Variants in TIMMDC1 observed in about 807,000 individuals in gnomAD.
TIMMDC1 encodes complex I assembly factor TIMMDC1, mitochondrial.
TIMMDC1 carries 25 observed loss-of-function variants against 32.6 expected under a neutral mutation model. The observed-to-expected ratio is 0.77, with a 90% CI of 0.56 to 1.07. The LOEUF (loss-of-function observed/expected upper bound fraction) is 1.07. Among genes scored for constraint, TIMMDC1 ranks in the 50% least tolerant of loss-of-function variants. The pLI is 0.00. For synonymous variants in TIMMDC1, 130 were observed against 127.6 expected, an observed-to-expected ratio of 1.02 and a Z score of -0.13; for missense variants, 329 against 349.2, an observed-to-expected ratio of 0.94 and a Z score of 0.46.
intron 5 of TIMMDC1, among the ~76,000 whole-genome samples, chr3:119,514,564 TGATTA>T (rs1360694514): frequency 5.3e-5 from 8 of 152,226 alleles, no homozygotes; most frequent in African/African-American, 1.9e-4. Flanking sequence ...CATCCCATCA[TGATTA>T]GATTAATGTA....
intron 4 of TIMMDC1, among the ~76,000 whole-genome samples, chr3:119,510,056 A>G (rs746407171): frequency 3.3e-5 from 5 of 152,196 alleles, no homozygotes; most frequent in Non-Finnish European, 5.9e-5. Context: ...TTATACCTCA[A>G]TAAAACTGTT....
rs148633823 is a variant in TIMMDC1, at chr3:119,503,536, C to A, written c.365C>A (p.Ser122Tyr). Residue 122 changes from serine (S) to tyrosine (Y), a missense_variant, in exon 3 of 7, where the codon TCT becomes TAT. Physicochemically the swap from Ser to Tyr is moderately radical, Grantham distance 144. Coordinates refer to ENST00000494664, the MANE Select transcript of TIMMDC1 (RefSeq NM_016589.4). ...CAGTTTTTTAATTAACTTTAGCAAT[C>A]TGCACATCGTGCTGCCACACGAGGC... ...IYHNRFDAVQSAHRAATRGFI... is the reference protein window; with the variant it reads ...IYHNRFDAVQYAHRAATRGFI... 6.2e-7 allele frequency: 1 copy of A among 1,605,320 alleles called. No homozygotes were observed. The highest frequency in any genetic ancestry group is 1.3e-5 in the African/African-American group (1 of 74,454).
intron 6 of TIMMDC1, among the ~76,000 whole-genome samples, chr3:119,522,187 A>C (rs979612329): frequency 2.6e-5 from 4 of 152,190 alleles, no homozygotes; most frequent in Admixed American, 6.5e-5. Context: ...GGATAAAGAA[A>C]ATGTGGTATA....
intron 4 of TIMMDC1, among the ~76,000 whole-genome samples, chr3:119,509,686 A>ATT (rs35042893): frequency 4.7e-4 from 66 of 139,408 alleles, no homozygotes; most frequent in South Asian, 1.6e-3. Context: ...ATGCAACTAA[A>ATT]TTTTTTTTTT....
intron 4 of TIMMDC1, among the ~76,000 whole-genome samples, chr3:119,511,336 G>A (rs1265325704): frequency 2.0e-5 from 3 of 151,722 alleles, no homozygotes; most frequent in Non-Finnish European, 4.4e-5. Flanking sequence ...AAAAATAGTT[G>A]TGGTGGCATG....
In TIMMDC1 at chr3:119,523,595, T is replaced by C. The variant is rs1560051303; in HGVS notation, c.708-11T>C. ...AGCAGTATTTGATTTATCCTTTTTA[T>C]CTGATTACAGGAAAGGCAGACTACA... On this transcript the variant is annotated splice_polypyrimidine_tract_variant and intron_variant, in intron 6 of 6. Transcript: ENST00000494664. The C allele has an allele frequency of 5.1e-6, 8 of 1,582,156 alleles. No homozygotes were observed. The Admixed American group carries it at 1.3e-4, about 27-fold the overall frequency.
At chr3:119,503,676 G>A in intron 3 of TIMMDC1, 56 bp downstream of exon 3, 1 of 1,403,604 alleles carries the variant, frequency 7.1e-7, no homozygotes, top group Non-Finnish European at 9.8e-7. Context: ...TTTTAGGAGT[G>A]TGTCTTTTGA....
At chr3:119,506,262 C>A (rs570237145) in intron 4 of TIMMDC1, among the ~76,000 whole-genome samples, 3 of 152,200 alleles carry the variant, frequency 2.0e-5, no homozygotes, top group African/African-American at 2.4e-5. Flanking sequence ...CAGTGGCTCA[C>A]GCCTGTAACC....
At chr3:119,514,788 G>A (rs894897309) in intron 5 of TIMMDC1, among the ~76,000 whole-genome samples, 3 of 152,158 alleles carry the variant, frequency 2.0e-5, no homozygotes, top group Non-Finnish European at 2.9e-5. Flanking sequence ...GGGTTTCCCT[G>A]CTCAAGATTT....
At chr3:119,505,542 T>A (rs1211682669) in intron 4 of TIMMDC1, among the ~76,000 whole-genome samples, 1 of 152,152 alleles carries the variant, frequency 6.6e-6, no homozygotes, top group Non-Finnish European at 1.5e-5. Context: ...ATTTTTTGTA[T>A]TTTTAGCAGA....
intron 4 of TIMMDC1, among the ~76,000 whole-genome samples, chr3:119,504,483 G>A (rs2081903166): frequency 6.6e-6 from 1 of 152,142 alleles, no homozygotes; most frequent in Admixed American, 6.5e-5. Context: ...GGTGAGTGAG[G>A]GAAAGAGTAG....
chr3:119,517,979 C>CTT (rs71812615), intron 6 of TIMMDC1, among the ~76,000 whole-genome samples: 37 of 134,164 alleles, frequency 2.8e-4, no homozygotes, highest in Non-Finnish European at 3.7e-4. Flanking sequence ...AAAAAAGTGA[C>CTT]TTTTTTTTTT....
At position 119,524,330 on chromosome 3, in the gene TIMMDC1, G is replaced by C. The variant is rs1350173291; in HGVS notation, c.*574G>C. 6.6e-6 allele frequency: 1 copy of C among 152,212 alleles called. No homozygotes were observed. Among genetic ancestry groups the C allele is most frequent in the African/African-American group, 2.4e-5 (1 of 41,446 alleles). The allele number at this position is 152,212 out of a possible 1,614,324, so 9.4% of individuals were successfully genotyped here. A position where few individuals can be genotyped will look rare whatever the true frequency, so the allele number is the denominator to read the frequency against. ...CGGTTCAACTTTGTTTCTTCCCTTA[G>C]TATTGCTGACAAAGTATCTGCTGTA... On this transcript the variant is annotated 3_prime_UTR_variant, in exon 7 of 7. Coordinates refer to ENST00000494664, the MANE Select transcript of TIMMDC1 (RefSeq NM_016589.4).
In TIMMDC1 at chr3:119,517,358, C is replaced by T. The variant is rs769697457; in HGVS notation, c.707+43C>T. The stretch of plus-strand genomic sequence containing the variant: ...CCCAGGGAATCTTGGCTCTCTTGCC[C>T]CAGGCCTTATATAGTGGTGCTCTTT... On this transcript the variant is annotated intron_variant, in intron 6 of 6. Coordinates refer to ENST00000494664, the MANE Select transcript of TIMMDC1 (RefSeq NM_016589.4). The T allele has an allele frequency of 5.3e-6, 7 of 1,322,898 alleles. No homozygotes were observed. The East Asian group carries it at 1.6e-4, about 30-fold the overall frequency. The allele number at this position is 1,322,898 out of a possible 1,614,324, so 81.9% of individuals were successfully genotyped here. A position where few individuals can be genotyped will look rare whatever the true frequency, so the allele number is the denominator to read the frequency against.
At chr3:119,515,745 T>C (rs985901681) in intron 5 of TIMMDC1, among the ~76,000 whole-genome samples, 27 of 152,214 alleles carry the variant, frequency 1.8e-4, no homozygotes, top group Non-Finnish European at 2.9e-5. Flanking sequence ...CAGCTATCTT[T>C]TCATCATGTG....
At chr3:119,500,648 A>G (rs543058852) in intron 1 of TIMMDC1, 47 bp from the exon 2 acceptor site, 4 of 1,554,806 alleles carry the variant, frequency 2.6e-6, no homozygotes, top group South Asian at 1.2e-5. Context: ...TTGGAGAGCA[A>G]TGTCCATAAA....
intron 3 of TIMMDC1, 88 bp downstream of exon 3, chr3:119,503,708 G>A: frequency 9.6e-7 from 1 of 1,040,296 alleles, no homozygotes; most frequent in Non-Finnish European, 1.4e-6. Flanking sequence ...TATGAAAACT[G>A]AATACCCACA....
intron 4 of TIMMDC1, among the ~76,000 whole-genome samples, chr3:119,506,412 A>T (rs2081919119): frequency 6.6e-6 from 1 of 151,984 alleles, no homozygotes; most frequent in Non-Finnish European, 1.5e-5. Flanking sequence ...TCAGCTACTC[A>T]GGAGGCTGAG....
chr3:119,517,472 A>AG (rs1271736475), intron 6 of TIMMDC1, among the ~76,000 whole-genome samples, 157 bp downstream of exon 6: 1 of 152,206 alleles, frequency 6.6e-6, no homozygotes, highest in Non-Finnish European at 1.5e-5. Flanking sequence ...TTGTCTTTTA[A>AG]TCTATTTAAG....
Sources: allele counts gnomAD v4.1 joint callset (sites outside exome capture counted in the v4.1 genomes callset), GRCh38; gene constraint gnomAD v4.1.1; transcripts MANE v1.5; gene names NCBI Gene and HGNC (gene_info 2026-07-23, HGNC 2026-07-21).